Variants in ASIC1 observed in about 807,000 individuals in gnomAD.
ASIC1 encodes acid-sensing ion channel 1.
In ASIC1, 21 loss-of-function variants were observed where a neutral mutation model predicts 63.4. That is an observed-to-expected ratio of 0.33 (90% CI 0.23 to 0.48). The LOEUF (loss-of-function observed/expected upper bound fraction) is 0.48. Ranked by LOEUF, ASIC1 falls within the 20% of genes least tolerant of loss-of-function variation. The pLI, the probability that ASIC1 is intolerant of heterozygous loss-of-function variation, is 0.99. For missense variants in ASIC1, 478 were observed against 695.5 expected (o/e 0.69, Z 3.52); for synonymous variants, 258 against 278.2 (o/e 0.93, Z 0.72).
intron 8 of ASIC1, 101 bp downstream of exon 8, chr12:50,080,156 G>A: frequency 2.0e-6 from 3 of 1,465,090 alleles, no homozygotes; most frequent in Non-Finnish European, 2.8e-6. Flanking sequence ...GGGGGAACTT[G>A]AGATAACACG....
In ASIC1 at chr12:50,072,979, G is replaced by T. The variant is rs116626786; in HGVS notation, c.559-4234G>T. 2.8e-3 allele frequency among the ~76,000 whole-genome samples: 433 copies of T among 152,294 alleles called. 3 individuals are homozygous for T. The highest frequency in any genetic ancestry group is 9.7e-3 in the African/African-American group (402 of 41,552). On this transcript the variant is annotated intron_variant, in intron 3 of 11. Transcript: ENST00000447966. Reference sequence around the variant, plus strand: ...GTACCTGGTGGTGGGGCACGGAGGGGCTCAGGTATCCCAGAGGAATAACTG... The same window carrying T: ...GTACCTGGTGGTGGGGCACGGAGGGTCTCAGGTATCCCAGAGGAATAACTG...
chr12:50,079,782 G>A (rs1950695890), intron 7 of ASIC1, 120 bp from the exon 8 acceptor site: 1 of 1,218,566 alleles, frequency 8.2e-7, no homozygotes, highest in Non-Finnish European at 1.1e-6. Context: ...AGGGTGAAGG[G>A]CAGGTCACGG....
chr12:50,061,502 G>A (rs1950500629), intron 3 of ASIC1, among the ~76,000 whole-genome samples: 1 of 152,190 alleles, frequency 6.6e-6, no homozygotes, highest in Non-Finnish European at 1.5e-5. Flanking sequence ...AGTCTCACAA[G>A]TGATGCTCCC....
intron 11 of ASIC1, 39 bp downstream of exon 11, chr12:50,081,403 G>T: frequency 6.5e-7 from 1 of 1,549,160 alleles, no homozygotes; most frequent in South Asian, 1.2e-5. Flanking sequence ...GCCCGCCTGT[G>T]CCTCCACCGC....
At position 50,079,103 on chromosome 12, in the gene ASIC1, CTT is replaced by C. The variant is rs1950688573; in HGVS notation, c.1051+124_1051+125del. ...ACTCCTGGACTGGGCTGCACCCTCT[CTT>C]GTGTCTGACATTAAAGCTGAGAATG... On this transcript the variant is annotated intron_variant, in intron 7 of 11. Coordinates refer to ENST00000447966, the MANE Select transcript of ASIC1 (RefSeq NM_001095.4). 11 of 948,900 alleles carry C rather than the reference CTT, an allele frequency of 1.2e-5. No individual in the cohort carries two copies. The Admixed American group carries it at 2.0e-4, about 17-fold the overall frequency. 58.8% of individuals were successfully genotyped at this position (948,900 alleles called of 1,614,324 possible). A position where few individuals can be genotyped will look rare whatever the true frequency, so the allele number is the denominator to read the frequency against.
At chr12:50,063,859 C>T (rs1950522779) in intron 3 of ASIC1, among the ~76,000 whole-genome samples, 3 of 152,074 alleles carry the variant, frequency 2.0e-5, no homozygotes, top group Admixed American at 2.0e-4. Context: ...TTTATTCATC[C>T]CTAGGGCTCA....
chr12:50,059,179 C>T lies in ASIC1; in HGVS notation c.362+51C>T. On this transcript the variant is annotated intron_variant, in intron 2 of 11. Transcript: ENST00000447966. The surrounding 1 kb of genome is among the most constrained non-coding windows in gnomAD (Gnocchi z 4.6). ...CCCTGCTCCTGGAGTTGCTTGAGTT[C>T]CAGTCAGGATGTCTGCCTCCCTGAC... 2.5e-6 allele frequency: 4 copies of T among 1,590,058 alleles called. No homozygotes were observed. Among genetic ancestry groups the T allele is most frequent in the East Asian group, 2.2e-5 (1 of 44,672 alleles).
chr12:50,073,633 G>T (rs1950621279), intron 3 of ASIC1: 2 of 1,535,900 alleles, frequency 1.3e-6, no homozygotes, highest in Admixed American at 2.0e-5. Flanking sequence ...TGGAGAGGAA[G>T]CCCCAGGGCC....
chr12:50,079,539 AG>A (rs1372720036), intron 7 of ASIC1, among the ~76,000 whole-genome samples: 3 of 152,294 alleles, frequency 2.0e-5, no homozygotes, highest in East Asian at 3.9e-4. Context: ...TTGACCCTGG[AG>A]GGTCCTGAGG....
rs991677761 is a variant in ASIC1, at chr12:50,071,020, C to G, written c.559-6193C>G. ...TGCTCTTTTGCTCTCGGTCATTACT[C>G]ATAGCTGTAGGGCCTTGAGCAGAAC... On this transcript the variant is annotated intron_variant, in intron 3 of 11. Transcript: ENST00000447966. 2 of 152,482 alleles carry G rather than the reference C, an allele frequency of 1.3e-5. 1 individual carries two copies. The highest frequency in any genetic ancestry group is 1.3e-4 in the Admixed American group (2 of 15,310). The allele number at this position is 152,482 out of a possible 1,614,324, so 9.4% of individuals were successfully genotyped here.
At chr12:50,077,449 G>A in intron 4 of ASIC1, 86 bp downstream of exon 4, 1 of 1,562,938 alleles carries the variant, frequency 6.4e-7, no homozygotes, top group Non-Finnish European at 8.7e-7. Flanking sequence ...TGTGAGACCT[G>A]GGCAGGGCCC....
rs1293833640 is a variant in ASIC1, at chr12:50,081,154, G to A, written c.1350G>A (p.Val450=). 1 of 1,612,604 alleles carries A rather than the reference G, an allele frequency of 6.2e-7. No individual in the cohort carries two copies. Among genetic ancestry groups the A allele is most frequent in the East Asian group, 2.2e-5 (1 of 44,812 alleles). The part of the protein sequence containing the change: ...GLFIGASILT[V]LELFDYAYEV... ...TCATCGGGGCCAGCATCCTCACGGTGCTGGAGCTCTTTGACTACGCCTACG... is the reference window on the plus strand; with the variant it reads ...TCATCGGGGCCAGCATCCTCACGGTACTGGAGCTCTTTGACTACGCCTACG... Residue 450 remains valine (V), a synonymous_variant, in exon 10 of 12, where the codon GTG becomes GTA. Transcript: ENST00000447966.
At position 50,059,732 on chromosome 12, in the gene ASIC1, C is replaced by A; in HGVS notation, c.363-27C>A. 1 of 1,604,452 alleles carries A rather than the reference C, an allele frequency of 6.2e-7. No individual in the cohort carries two copies. The highest frequency in any genetic ancestry group is 2.3e-5 in the East Asian group (1 of 44,384). ...CAGGACACTGATGACTGTACTGACC[C>A]GTGTGTCACTCACCCCCGGACCCCA... On this transcript the variant is annotated intron_variant, in intron 2 of 11. Coordinates refer to ENST00000447966, the MANE Select transcript of ASIC1 (RefSeq NM_001095.4). The surrounding 1 kb of genome is among the most constrained non-coding windows in gnomAD (Gnocchi z 4.6).
In ASIC1 at chr12:50,070,842, A is replaced by C. The variant is rs372284835; in HGVS notation, c.559-6371A>C. On this transcript the variant is annotated intron_variant, in intron 3 of 11. Transcript: ENST00000447966. ...TGGCAGGCAGGAAAAAGATACACAC[A>C]GGACAGGACACACAGGTTCATGCAG... is the stretch of plus-strand genomic sequence containing the variant. 5.2e-5 allele frequency: 8 copies of C among 152,500 alleles called. No homozygotes were observed. In the South Asian group the frequency reaches 8.3e-4, roughly 16 times the overall value. The allele number at this position is 152,500 out of a possible 1,614,324, so 9.4% of individuals were successfully genotyped here.
chr12:50,059,920 G>A lies in ASIC1; in HGVS notation c.524G>A (p.Arg175Gln), dbSNP rs760554956. 6.8e-6 allele frequency: 11 copies of A among 1,613,780 alleles called. No homozygotes were observed. The highest frequency in any genetic ancestry group is 5.5e-5 in the South Asian group (5 of 91,082). ...IRDMLLSCHF[R>Q]GEVCSAEDFK... is the part of the protein sequence containing the mutation. ...GACATGCTGCTCTCCTGCCACTTCCGGGGGGAGGTCTGCAGCGCTGAAGAC... is the reference window on the plus strand; with the variant it reads ...GACATGCTGCTCTCCTGCCACTTCCAGGGGGAGGTCTGCAGCGCTGAAGAC... The change falls in exon 3 of 12, where the codon CGG becomes CAG. Residue 175 changes from arginine to glutamine, a missense_variant. By Grantham distance (43) the Arg-to-Gln change is conservative. Coordinates refer to ENST00000447966, the MANE Select transcript of ASIC1 (RefSeq NM_001095.4). The surrounding 1 kb of genome is among the most constrained non-coding windows in gnomAD (Gnocchi z 4.6).
chr12:50,066,828 A>G (rs1159937217), intron 3 of ASIC1, among the ~76,000 whole-genome samples: 1 of 152,074 alleles, frequency 6.6e-6, no homozygotes, highest in East Asian at 1.9e-4. Context: ...CTCAGACAAG[A>G]TCTTGTCCTT....
intron 7 of ASIC1, 29 bp downstream of exon 7, chr12:50,079,009 G>C: frequency 6.2e-7 from 1 of 1,609,270 alleles, no homozygotes; most frequent in Non-Finnish European, 8.5e-7. Flanking sequence ...GGGCAGTCTG[G>C]GGGAGGGAAA....
chr12:50,069,791 G>A (rs1334967820), intron 3 of ASIC1, among the ~76,000 whole-genome samples: 1 of 151,910 alleles, frequency 6.6e-6, no homozygotes, highest in African/African-American at 2.4e-5. Flanking sequence ...TCGACAGTAA[G>A]CTCCATGAGG....
intron 4 of ASIC1, 24 bp downstream of exon 4, chr12:50,077,387 C>A: frequency 6.2e-7 from 1 of 1,613,762 alleles, no homozygotes; most frequent in South Asian, 1.1e-5. Flanking sequence ...TTCAGGGGCC[C>A]CTCTGCATGG....
Sources: gnomAD v4.1 joint callset for allele counts (sites outside exome capture counted in the v4.1 genomes callset) on GRCh38, gnomAD v4.1.1 for gene constraint, Gnocchi (gnomAD v3.1) non-coding constraint, MANE v1.5 for transcripts, NCBI Gene and HGNC (gene_info 2026-07-23, HGNC 2026-07-21) for gene names.